DLC1: variants seen among roughly 807,000 people sequenced by gnomAD.
DLC1 encodes the protein DLC1 Rho GTPase activating protein.
DLC1 carries 54 observed loss-of-function variants against 140.3 expected under a neutral mutation model. The observed-to-expected ratio is 0.38, with a 90% confidence interval of 0.31 to 0.48. The LOEUF is 0.48. DLC1 is among the 20% of genes least tolerant of loss of function. The pLI is 0.96. For missense variants in DLC1, 2,536 were observed against 1,907.0 expected (o/e 1.33, Z -6.14); for synonymous variants, 986 against 728.1 (o/e 1.35, Z -5.70).
At chr8:13,383,737 A>G (rs891667245) in intron 4 of DLC1, among the ~76,000 whole-genome samples, 2 of 152,206 alleles carry the variant, frequency 1.3e-5, no homozygotes, top group African/African-American at 4.8e-5. Context: ...GTGCCACCAC[A>G]TGAGAATGCT....
intron 5 of DLC1, among the ~76,000 whole-genome samples, chr8:13,228,934 A>G (rs994800046): frequency 6.6e-6 from 1 of 152,208 alleles, no homozygotes; most frequent in African/African-American, 2.4e-5. Context: ...ATGACAGATT[A>G]TAACAAGTGT....
At chr8:13,260,486 A>T (rs1334653461) in intron 5 of DLC1, among the ~76,000 whole-genome samples, 1 of 152,222 alleles carries the variant, frequency 6.6e-6, no homozygotes, top group Non-Finnish European at 1.5e-5. Context: ...AGAATAGATA[A>T]TGAAGTTAAT....
rs1563360468 is a variant in DLC1, at chr8:13,453,480, GTATATATATACATATATATA to G, written c.1023+45549_1023+45568del. 5.4e-4 allele frequency among the ~76,000 whole-genome samples: 10 copies of G among 18,624 alleles called. 1 individual carries two copies. The highest frequency in any genetic ancestry group is 3.0e-3 in the African/African-American group (10 of 3,356). The allele number at this position is 18,624 out of a possible 152,430, so 12.2% of individuals were successfully genotyped here. On this transcript the variant is annotated intron_variant, in intron 2 of 17. Coordinates refer to ENST00000276297, the MANE Select transcript of DLC1 (RefSeq NM_182643.3). ...TATATGTATATATATACATATATAT[GTATATATATACATATATATA>G]TGTATATATATATACATATATATAT...
intron 5 of DLC1, among the ~76,000 whole-genome samples, chr8:13,177,736 C>A (rs75324372): frequency 0.081 from 12,269 of 151,142 alleles, 672 homozygotes; most frequent in South Asian, 0.16. Context: ...ATGAGTGTAA[C>A]CAGAAAAAAT....
intron 2 of DLC1, among the ~76,000 whole-genome samples, chr8:13,479,582 G>A (rs1324048887): frequency 6.6e-6 from 1 of 152,050 alleles, no homozygotes; most frequent in Non-Finnish European, 1.5e-5. Flanking sequence ...AAGAAACAAA[G>A]CTGCTCTTTG....
In DLC1 at chr8:13,569,893, C is replaced by A. The variant is rs113003237; in HGVS notation, c.-126+34644G>T. Among the ~76,000 whole-genome samples the A allele has an allele frequency of 4.2e-3, 646 of 152,162 alleles. 5 individuals are homozygous for A. The highest frequency in any genetic ancestry group is 0.015 in the African/African-American group (615 of 41,534). ...CGTGCCGCCACGCCTGGCTAAATTT[C>A]TTTATTTGTATTTTCAGTAGAGAAA... On this transcript the variant is annotated intron_variant, in intron 1 of 1. Coordinates refer to the DLC1 transcript ENST00000631382.
chr8:13,566,918 T>G, intron 1 of DLC1: 1 of 1,449,628 alleles, frequency 6.9e-7, no homozygotes, highest in Non-Finnish European at 9.1e-7. Context: ...CCCGGAGGGG[T>G]CAGCTCCTGA....
intron 1 of DLC1, among the ~76,000 whole-genome samples, chr8:13,576,944 G>A (rs1400687865): frequency 1.3e-5 from 2 of 151,900 alleles, no homozygotes; most frequent in East Asian, 3.8e-4. Flanking sequence ...ATCTCTGACT[G>A]CAAAGTGCTT....
At chr8:13,487,902 C>T (rs554361264) in intron 2 of DLC1, among the ~76,000 whole-genome samples, 119 of 152,272 alleles carry the variant, frequency 7.8e-4, no homozygotes, top group South Asian at 2.1e-3. Context: ...TTAAAGAAGG[C>T]GATCATTGAT....
chr8:13,168,917 G>A (rs979266830), intron 5 of DLC1, among the ~76,000 whole-genome samples: 7 of 152,202 alleles, frequency 4.6e-5, no homozygotes, highest in South Asian at 2.1e-4. Context: ...GGTTATGACC[G>A]TTGGACAGAA....
In DLC1 at chr8:13,281,587, A is replaced by T. The variant is rs747724984; in HGVS notation, c.1348+23682T>A. On this transcript the variant is annotated intron_variant, in intron 5 of 17. Coordinates refer to ENST00000276297, the MANE Select transcript of DLC1 (RefSeq NM_182643.3). ...AAATAAATATATACACTGGGGTTCT[A>T]TGCTTAGAAAGCTTTACTGACAGGC... is the stretch of plus-strand genomic sequence containing the variant. Among the ~76,000 whole-genome samples, 3 of 152,234 alleles carry T rather than the reference A, an allele frequency of 2.0e-5. No homozygotes were observed. In the East Asian group the frequency reaches 5.8e-4, roughly 29 times the overall value.
At chr8:13,424,292 C>T (rs549834355) in intron 2 of DLC1, among the ~76,000 whole-genome samples, 3 of 152,178 alleles carry the variant, frequency 2.0e-5, no homozygotes, top group South Asian at 2.1e-4. Context: ...AGTTCAAGGT[C>T]AGCCTGGCCA....
intron 5 of DLC1, among the ~76,000 whole-genome samples, chr8:13,264,147 C>A (rs570309230): frequency 6.6e-6 from 1 of 152,074 alleles, no homozygotes; most frequent in South Asian, 2.1e-4. Flanking sequence ...TGGCTCACTG[C>A]AACCTCTCCC....
chr8:13,089,833 C>T (rs961789748), intron 15 of DLC1, among the ~76,000 whole-genome samples: 1 of 152,138 alleles, frequency 6.6e-6, no homozygotes, highest in African/African-American at 2.4e-5. Context: ...GAGTTAATTT[C>T]CCCCTAAGGG....
chr8:13,503,076 G>C (rs370436863), intron 1 of DLC1, among the ~76,000 whole-genome samples: 2 of 152,106 alleles, frequency 1.3e-5, no homozygotes, highest in Admixed American at 6.5e-5. Flanking sequence ...ATGCCTTAAC[G>C]TAAGAGTTTT....
Position 13,398,877 on chromosome 8 carries a change from G to T in DLC1, c.1173+2593C>A, listed in dbSNP as rs527994681. 5.3e-4 allele frequency among the ~76,000 whole-genome samples: 80 copies of T among 152,302 alleles called. No individual in the cohort carries two copies. In the Middle Eastern group the frequency reaches 0.014, roughly 26 times the overall value. ...AGCAAAGAGGCACCTATAGCTATTT[G>T]CAGGTGTGATGCCGGGACATCTCTC... On this transcript the variant is annotated intron_variant, in intron 3 of 17. Transcript: ENST00000276297.
intron 1 of DLC1, among the ~76,000 whole-genome samples, chr8:13,572,454 G>C (rs1355394659): frequency 6.6e-6 from 1 of 152,084 alleles, no homozygotes; most frequent in South Asian, 2.1e-4. Flanking sequence ...TCTCTTGATA[G>C]TGTCTTTTTA....
chr8:13,438,551 C>A (rs1215968774), intron 2 of DLC1, among the ~76,000 whole-genome samples: 1 of 152,114 alleles, frequency 6.6e-6, no homozygotes, highest in East Asian at 1.9e-4. Context: ...GAAGTTGTTG[C>A]GATCTGGCCG....
intron 5 of DLC1, among the ~76,000 whole-genome samples, chr8:13,260,697 T>C (rs1236398475): frequency 6.6e-6 from 1 of 152,198 alleles, no homozygotes; most frequent in Non-Finnish European, 1.5e-5. Flanking sequence ...TTATATCATT[T>C]ATATATATGG....
Sources: allele counts gnomAD v4.1 joint callset (sites outside exome capture counted in the v4.1 genomes callset), GRCh38; gene constraint gnomAD v4.1.1; transcripts MANE v1.5; gene names NCBI Gene and HGNC (gene_info 2026-07-23, HGNC 2026-07-21).